The following ATXN1 variants were observed in gnomAD, a reference collection of about 807,000 sequenced individuals.
ATXN1 encodes ataxin-1.
In ATXN1, 8 loss-of-function variants were observed where a neutral mutation model predicts 56.4. The observed-to-expected ratio is 0.14, with a 90% CI of 0.08 to 0.26. The LOEUF is 0.26. ATXN1 is among the 10% of genes least tolerant of loss of function. The pLI is 1.00. For missense variants in ATXN1, 987 were observed against 1,106.5 expected (o/e 0.89, Z 1.53); for synonymous variants, 514 against 494.6 (o/e 1.04, Z -0.52).
intron 2 of ATXN1, among the ~76,000 whole-genome samples, chr6:16,731,829 T>C (rs1022978438): frequency 2.6e-5 from 4 of 152,088 alleles, no homozygotes; most frequent in African/African-American, 9.7e-5. Flanking sequence ...TCAGTATTAG[T>C]GTTCAATATA....
chr6:16,761,145 G>T (rs1045603956), intron 1 of ATXN1, 153 bp downstream of exon 1: 46 of 367,420 alleles, frequency 1.3e-4, no homozygotes, highest in African/African-American at 6.6e-4. Context: ...GCTGTTTTCC[G>T]TGCAGCCGAT....
At chr6:16,611,849 ATTTTTTTTTTTTT>A (rs369870821) in intron 3 of ATXN1, among the ~76,000 whole-genome samples, 2 of 75,170 alleles carry the variant, frequency 2.7e-5, no homozygotes, top group African/African-American at 4.9e-5. Context: ...AGCAGATGAA[ATTTTTTTTTTTTT>A]TTTTTTTTTT....
At chr6:16,571,161 G>C in intron 4 of ATXN1, among the ~76,000 whole-genome samples, 1 of 152,140 alleles carries the variant, frequency 6.6e-6, no homozygotes, top group Admixed American at 6.5e-5. Flanking sequence ...AAAAAAACAA[G>C]ACAGCTATTG....
intron 6 of ATXN1, among the ~76,000 whole-genome samples, chr6:16,335,239 C>T (rs1761091120): frequency 1.3e-5 from 2 of 152,224 alleles, no homozygotes; most frequent in Admixed American, 6.5e-5. Context: ...TCTATCTAAG[C>T]GTGGAGCTTC....
chr6:16,456,286 A>G (rs1012041565), intron 6 of ATXN1, among the ~76,000 whole-genome samples: 4 of 152,154 alleles, frequency 2.6e-5, no homozygotes, highest in Non-Finnish European at 4.4e-5. Flanking sequence ...CAACGTGGTG[A>G]GTACCATCAG....
intron 2 of ATXN1, among the ~76,000 whole-genome samples, chr6:16,689,404 C>T (rs1381076319): frequency 1.3e-5 from 2 of 152,094 alleles, no homozygotes; most frequent in African/African-American, 4.8e-5. Flanking sequence ...GCCACAAACT[C>T]CTGGGCCCAT....
At chr6:16,474,862 A>T (rs62388974) in intron 6 of ATXN1, among the ~76,000 whole-genome samples, 3,878 of 138,176 alleles carry the variant, frequency 0.028, 152 homozygotes, top group African/African-American at 0.088. Context: ...ACACACACAC[A>T]CACTCTCTCT....
At chr6:16,402,528 G>A (rs1410752084) in intron 6 of ATXN1, among the ~76,000 whole-genome samples, 5 of 152,098 alleles carry the variant, frequency 3.3e-5, no homozygotes, top group Non-Finnish European at 7.4e-5. Context: ...AACAGAAGAG[G>A]AGAGACAGAA....
At chr6:16,659,834 C>A (rs1314798675) in intron 2 of ATXN1, among the ~76,000 whole-genome samples, 1 of 152,078 alleles carries the variant, frequency 6.6e-6, no homozygotes. Flanking sequence ...TATCTTGCAG[C>A]AAAATCGATC....
chr6:16,737,678 T>A (rs1239205209), intron 2 of ATXN1: 4 of 152,158 alleles, frequency 2.6e-5, no homozygotes, highest in Admixed American at 2.6e-4. Flanking sequence ...ACTCCAGCCA[T>A]AATATTCAGA....
chr6:16,363,347 G>A (rs1003287693), intron 6 of ATXN1, among the ~76,000 whole-genome samples: 1 of 152,208 alleles, frequency 6.6e-6, no homozygotes, highest in East Asian at 1.9e-4. Context: ...TGTGCCATAT[G>A]CTAATATCCT....
At chr6:16,333,656 A>G (rs1326305053) in intron 6 of ATXN1, among the ~76,000 whole-genome samples, 1 of 152,214 alleles carries the variant, frequency 6.6e-6, no homozygotes, top group East Asian at 1.9e-4. Context: ...TCAGCTTTAA[A>G]GAAGAGGAAG....
chr6:16,725,291 C>G (rs1267689088), intron 2 of ATXN1, among the ~76,000 whole-genome samples: 1 of 152,130 alleles, frequency 6.6e-6, no homozygotes, highest in African/African-American at 2.4e-5. Context: ...TTTATTACTC[C>G]GATACTGCGT....
At chr6:16,697,981 T>C (rs2113430786) in intron 2 of ATXN1, among the ~76,000 whole-genome samples, 1 of 152,302 alleles carries the variant, frequency 6.6e-6, no homozygotes, top group South Asian at 2.1e-4. Context: ...CCTGAAACTA[T>C]ACCACTGCTC....
chr6:16,494,217 T>A (rs1012815911), intron 5 of ATXN1, among the ~76,000 whole-genome samples: 1 of 152,056 alleles, frequency 6.6e-6, no homozygotes, highest in African/African-American at 2.4e-5. Context: ...GCGTGGGAGG[T>A]AGGCCAAAAC....
At chr6:16,514,471 AT>A (rs1257782577) in intron 5 of ATXN1, among the ~76,000 whole-genome samples, 1 of 152,086 alleles carries the variant, frequency 6.6e-6, no homozygotes, top group African/African-American at 2.4e-5. Context: ...GCAACCACAC[AT>A]TCCGTTTTAC....
chr6:16,341,064 T>C lies in ATXN1; in HGVS notation c.-160-12594A>G, dbSNP rs528883521. Among the ~76,000 whole-genome samples the C allele has an allele frequency of 3.3e-5, 5 of 152,276 alleles. No individual in the cohort carries two copies. In the South Asian group the frequency reaches 1.0e-3, roughly 32 times the overall value. On this transcript the variant is annotated intron_variant, in intron 6 of 7. Coordinates refer to ENST00000436367, the MANE Select transcript of ATXN1 (RefSeq NM_001128164.2). Reference sequence around the variant, plus strand: ...GTCTTAATATCCTCAGCCCACTGAGTGAAATTGACTTACTAGAAATCTACC... The same window carrying C: ...GTCTTAATATCCTCAGCCCACTGAGCGAAATTGACTTACTAGAAATCTACC...
At chr6:16,407,570 T>C (rs147409820) in intron 6 of ATXN1, among the ~76,000 whole-genome samples, 4 of 152,364 alleles carry the variant, frequency 2.6e-5, no homozygotes, top group African/African-American at 9.6e-5. Context: ...TTCAATTAGA[T>C]ATTAAAAGGT....
intron 6 of ATXN1, among the ~76,000 whole-genome samples, chr6:16,363,570 G>T (rs1233216487): frequency 1.3e-5 from 2 of 152,184 alleles, no homozygotes; most frequent in South Asian, 2.1e-4. Flanking sequence ...TCTAACCAAA[G>T]AACAAGGCAA....
Sources: allele counts gnomAD v4.1 joint callset (sites outside exome capture counted in the v4.1 genomes callset), GRCh38; gene constraint gnomAD v4.1.1; transcripts MANE v1.5; gene names NCBI Gene and HGNC (gene_info 2026-07-23, HGNC 2026-07-21).